Variants in DAB1 observed in about 807,000 individuals in gnomAD.
DAB1 encodes disabled homolog 1.
Under a neutral mutation model 64.6 loss-of-function variants are expected in DAB1, and 15 were observed. The ratio of observed to expected loss-of-function variants is 0.23; its 90% confidence interval spans 0.16 to 0.36. The LOEUF (loss-of-function observed/expected upper bound fraction) is 0.36, where lower values mean the gene tolerates loss of function less well. Ranked by LOEUF, DAB1 falls within the 10% of genes least tolerant of loss-of-function variation. The probability of loss-of-function intolerance (pLI) is 1.00; values close to 1 mark genes in which losing one functional copy is unlikely to be tolerated. For synonymous variants in DAB1, 235 were observed against 251.9 expected (o/e 0.93, Z 0.64); for missense variants, 596 against 706.7 (o/e 0.84, Z 1.78).
intron 5 of DAB1, among the ~76,000 whole-genome samples, chr1:57,890,470 T>TC (rs1644295218): frequency 1.3e-5 from 2 of 150,188 alleles, no homozygotes; most frequent in South Asian, 2.1e-4. Context: ...TTTTTTTTTT[T>TC]CTTTTGGCTG....
At chr1:57,820,190 C>T (rs1569778225) in intron 6 of DAB1, among the ~76,000 whole-genome samples, 1 of 152,210 alleles carries the variant, frequency 6.6e-6, no homozygotes. Flanking sequence ...TGGATTCCTT[C>T]TCTCAGAAAC....
chr1:58,541,744 G>C (rs1400926716), intron 1 of DAB1: 1 of 147,340 alleles, frequency 6.8e-6, no homozygotes, highest in Non-Finnish European at 1.5e-5. Flanking sequence ...ATAATATTGT[G>C]GTTATCTGAC....
intron 6 of DAB1, among the ~76,000 whole-genome samples, chr1:57,771,042 G>A (rs114452880): frequency 1.3e-5 from 2 of 152,122 alleles, no homozygotes; most frequent in Admixed American, 6.5e-5. Context: ...TTGGAGAGGC[G>A]AAGTAAGTCG....
At position 57,797,494 on chromosome 1, in the gene DAB1, T is replaced by C. The variant is rs564022619; in HGVS notation, n.551+86505A>G. ...TAATCTTGGCTAAAAGAGATAGATG[T>C]CTTAGCCACTTAGAACACTACTCTT... On this transcript the variant is annotated intron_variant and non_coding_transcript_variant, in intron 6 of 20. Coordinates refer to the DAB1 transcript ENST00000485760. Among the ~76,000 whole-genome samples the C allele has an allele frequency of 1.9e-4, 29 of 152,336 alleles. No homozygotes were observed. The South Asian group carries it at 5.8e-3, about 30-fold the overall frequency.
At chr1:58,370,099 G>A (rs1034889520) in intron 3 of DAB1, among the ~76,000 whole-genome samples, 1 of 152,182 alleles carries the variant, frequency 6.6e-6, no homozygotes, top group African/African-American at 2.4e-5. Flanking sequence ...TGTATTCAAT[G>A]AGGATTGCCA....
At chr1:57,524,568 T>G (rs1246293576) in intron 7 of DAB1, among the ~76,000 whole-genome samples, 1 of 152,146 alleles carries the variant, frequency 6.6e-6, no homozygotes, top group Non-Finnish European at 1.5e-5. Context: ...GAGCAATGTT[T>G]TGTGGGCAGG....
At chr1:57,805,003 C>G (rs74072772) in intron 6 of DAB1, among the ~76,000 whole-genome samples, 12 of 152,300 alleles carry the variant, frequency 7.9e-5, no homozygotes, top group Admixed American at 3.3e-4. Flanking sequence ...TCAATCCAAG[C>G]TGCTCATTAA....
chr1:58,067,799 T>A (rs1648946659), intron 5 of DAB1, among the ~76,000 whole-genome samples: 1 of 152,172 alleles, frequency 6.6e-6, no homozygotes, highest in Non-Finnish European at 1.5e-5. Context: ...ATCTGTACAA[T>A]GAGTGGGGGG....
At chr1:57,817,605 TGTCAGGCAAC>T (rs1354195846) in intron 6 of DAB1, among the ~76,000 whole-genome samples, 6 of 152,194 alleles carry the variant, frequency 3.9e-5, no homozygotes, top group African/African-American at 1.4e-4. Context: ...CAACACTCAA[TGTCAGGCAAC>T]ACTGGCTCTT....
chr1:57,091,342 A>C (rs1653661667), intron 4 of DAB1, among the ~76,000 whole-genome samples: 1 of 152,238 alleles, frequency 6.6e-6, no homozygotes, highest in Non-Finnish European at 1.5e-5. Flanking sequence ...ATATAAGACA[A>C]GTATCTCATT....
intron 3 of DAB1, among the ~76,000 whole-genome samples, chr1:58,421,391 A>C (rs750335911): frequency 2.0e-5 from 3 of 152,228 alleles, no homozygotes; most frequent in Non-Finnish European, 4.4e-5. Flanking sequence ...ATAACTCCTC[A>C]AAAGTCCACT....
At chr1:57,168,751 T>C (rs1661444315) in intron 2 of DAB1, among the ~76,000 whole-genome samples, 1 of 152,200 alleles carries the variant, frequency 6.6e-6, no homozygotes, top group South Asian at 2.1e-4. Context: ...ATTGAACAGT[T>C]TCTTAAGAAA....
chr1:58,412,460 T>C (rs1644680788), intron 3 of DAB1, among the ~76,000 whole-genome samples: 1 of 152,198 alleles, frequency 6.6e-6, no homozygotes, highest in Non-Finnish European at 1.5e-5. Context: ...ATCACCAGTT[T>C]TAGCTTAGTG....
At chr1:58,061,163 G>T (rs144104738) in intron 5 of DAB1, among the ~76,000 whole-genome samples, 1 of 152,314 alleles carries the variant, frequency 6.6e-6, no homozygotes, top group East Asian at 1.9e-4. Flanking sequence ...CAGAGAATAT[G>T]CAGTGACAAA....
intron 5 of DAB1, among the ~76,000 whole-genome samples, chr1:58,037,446 C>T (rs1030954573): frequency 3.9e-5 from 6 of 152,120 alleles, no homozygotes; most frequent in East Asian, 1.9e-4. Context: ...GAGTGGCAGC[C>T]GAGCATTACC....
At chr1:57,959,175 T>C (rs1645458638) in intron 5 of DAB1, among the ~76,000 whole-genome samples, 1 of 152,256 alleles carries the variant, frequency 6.6e-6, no homozygotes, top group African/African-American at 2.4e-5. Flanking sequence ...TTGGTTGTAT[T>C]CCTTAACCTT....
intron 1 of DAB1, among the ~76,000 whole-genome samples, chr1:57,355,979 C>T (rs1430020945): frequency 6.6e-6 from 1 of 151,780 alleles, no homozygotes; most frequent in Non-Finnish European, 1.5e-5. Context: ...TTTTCCTCTT[C>T]CCTACTTTAT....
chr1:58,115,985 T>TA (rs142607082), intron 5 of DAB1, among the ~76,000 whole-genome samples: 77 of 136,132 alleles, frequency 5.7e-4, no homozygotes, highest in Admixed American at 1.7e-3. Flanking sequence ...ACTTAGAGTA[T>TA]AAAAAAAAAA....
At chr1:57,581,689 A>G (rs1177966425) in intron 7 of DAB1, among the ~76,000 whole-genome samples, 1 of 148,210 alleles carries the variant, frequency 6.7e-6, no homozygotes, top group Non-Finnish European at 1.5e-5. Flanking sequence ...TATATTATAT[A>G]ACATATACTA....
Sources: allele counts gnomAD v4.1 joint callset (sites outside exome capture counted in the v4.1 genomes callset), GRCh38; gene constraint gnomAD v4.1.1; transcripts MANE v1.5; gene names NCBI Gene and HGNC (gene_info 2026-07-23, HGNC 2026-07-21).